NCKAP5: variants seen among roughly 807,000 people sequenced by gnomAD.
The protein encoded by NCKAP5 is NCK associated protein 5.
NCKAP5 carries 92 observed loss-of-function variants against 167.0 expected under a neutral mutation model. The ratio of observed to expected loss-of-function variants is 0.55; its 90% confidence interval spans 0.47 to 0.66. The LOEUF is 0.66. Among genes scored for constraint, NCKAP5 ranks in the 30% least tolerant of loss-of-function variants. The probability of loss-of-function intolerance (pLI) is 0.00; values close to 1 mark genes in which losing one functional copy is unlikely to be tolerated. For synonymous variants in NCKAP5, 891 were observed against 877.4 expected (o/e 1.02, Z -0.27); for missense variants, 2,378 against 2,315.0 (o/e 1.03, Z -0.56).
intron 19 of NCKAP5, among the ~76,000 whole-genome samples, chr2:132,697,319 T>C (rs532349927): frequency 6.6e-6 from 1 of 152,348 alleles, no homozygotes; most frequent in East Asian, 1.9e-4. Flanking sequence ...TAAGTGCCAC[T>C]TGAGTTTACA....
chr2:132,764,950 T>C (rs1258889788), intron 16 of NCKAP5, among the ~76,000 whole-genome samples: 28 of 152,206 alleles, frequency 1.8e-4, no homozygotes, highest in Admixed American at 1.8e-3. Flanking sequence ...GTAATATTCT[T>C]GAAATGAGAC....
intron 7 of NCKAP5, among the ~76,000 whole-genome samples, chr2:132,991,332 A>G (rs1226567719): frequency 6.6e-6 from 1 of 152,212 alleles, no homozygotes. Context: ...ATGTCACTTC[A>G]TGCACAAAAC....
chr2:133,373,988 T>C (rs1685973487), intron 3 of NCKAP5, among the ~76,000 whole-genome samples: 3 of 152,212 alleles, frequency 2.0e-5, no homozygotes, highest in Non-Finnish European at 2.9e-5. Flanking sequence ...AGGATAGTAA[T>C]GGTGCAATCA....
chr2:133,073,549 C>T (rs559272260), intron 6 of NCKAP5, among the ~76,000 whole-genome samples: 2 of 152,252 alleles, frequency 1.3e-5, no homozygotes, highest in Admixed American at 6.5e-5. Flanking sequence ...AACACTGGAA[C>T]CACAGCTCAC....
chr2:132,883,631 C>T (rs1015687301), intron 8 of NCKAP5, among the ~76,000 whole-genome samples: 3 of 152,218 alleles, frequency 2.0e-5, no homozygotes, highest in South Asian at 2.1e-4. Context: ...GGATCTGCCA[C>T]GTGTCCACCT....
At chr2:132,774,001 T>C in intron 15 of NCKAP5, 107 bp from the exon 16 acceptor site, 2 of 853,810 alleles carry the variant, frequency 2.3e-6, no homozygotes, top group South Asian at 3.3e-5. Context: ...TGGGCATAGG[T>C]GTGAGTGTTT....
At chr2:133,321,692 G>A (rs895751879) in intron 3 of NCKAP5, among the ~76,000 whole-genome samples, 1 of 152,160 alleles carries the variant, frequency 6.6e-6, no homozygotes, top group Admixed American at 6.5e-5. Context: ...TGTTGAGGCT[G>A]GCTGTTAAAA....
At chr2:133,162,086 T>C (rs2083815880) in intron 5 of NCKAP5, among the ~76,000 whole-genome samples, 1 of 152,254 alleles carries the variant, frequency 6.6e-6, no homozygotes, top group Non-Finnish European at 1.5e-5. Flanking sequence ...CTTGTATAGT[T>C]CATATATAGA....
chr2:133,273,491 G>A (rs769049750), intron 4 of NCKAP5, among the ~76,000 whole-genome samples: 7 of 151,976 alleles, frequency 4.6e-5, no homozygotes, highest in Non-Finnish European at 1.0e-4. Context: ...GAGTTACAGG[G>A]AATTTTTTAG....
At chr2:132,798,015 T>C (rs1207170340) in intron 11 of NCKAP5, among the ~76,000 whole-genome samples, 1 of 149,890 alleles carries the variant, frequency 6.7e-6, no homozygotes, top group Non-Finnish European at 1.5e-5. Context: ...CCAGTTCTCC[T>C]TCTCAGTGGA....
chr2:133,120,960 AT>A (rs140790381), intron 6 of NCKAP5, among the ~76,000 whole-genome samples: 1,657 of 151,634 alleles, frequency 0.011, 35 homozygotes, highest in African/African-American at 0.038. Flanking sequence ...CAATCAACAA[AT>A]TTTTTTTTAA....
intron 6 of NCKAP5, among the ~76,000 whole-genome samples, chr2:133,077,078 T>A (rs527434488): frequency 1.3e-4 from 20 of 152,248 alleles, no homozygotes; most frequent in Admixed American, 8.5e-4. Context: ...ATTCTTATTT[T>A]AGAAAAGCAA....
chr2:133,261,085 A>G (rs1025706497), intron 4 of NCKAP5, among the ~76,000 whole-genome samples: 1 of 152,238 alleles, frequency 6.6e-6, no homozygotes, highest in Non-Finnish European at 1.5e-5. Flanking sequence ...TGCAATGAAA[A>G]TGAGCAAAGA....
chr2:132,949,864 C>T (rs1382139131), intron 8 of NCKAP5, among the ~76,000 whole-genome samples: 2 of 152,142 alleles, frequency 1.3e-5, no homozygotes, highest in South Asian at 2.1e-4. Context: ...GAGGCCATGG[C>T]GGACAGATCA....
chr2:133,511,531 A>T (rs1683493894), intron 3 of NCKAP5, among the ~76,000 whole-genome samples: 1 of 152,158 alleles, frequency 6.6e-6, no homozygotes, highest in Non-Finnish European at 1.5e-5. Context: ...CACTCTCAAG[A>T]GGGCACAGTC....
Position 132,893,979 on chromosome 2 carries a change from C to T in NCKAP5, c.580-15063G>A, listed in dbSNP as rs746694282. On this transcript the variant is annotated intron_variant, in intron 8 of 19. Coordinates refer to ENST00000409261, the MANE Select transcript of NCKAP5 (RefSeq NM_207363.3). Reference sequence around the variant, plus strand: ...AATTGTGGAAGGGCCCTGGTGTACCCGGGCATCCCGCTGCCACTGTAATGG... The same window carrying T: ...AATTGTGGAAGGGCCCTGGTGTACCTGGGCATCCCGCTGCCACTGTAATGG... Among the ~76,000 whole-genome samples, 3 of 152,252 alleles carry T rather than the reference C, an allele frequency of 2.0e-5. No homozygotes were observed. The East Asian group carries it at 5.8e-4, about 29-fold the overall frequency.
At chr2:133,218,483 A>G (rs2086525192) in intron 4 of NCKAP5, among the ~76,000 whole-genome samples, 1 of 152,202 alleles carries the variant, frequency 6.6e-6, no homozygotes, top group African/African-American at 2.4e-5. Flanking sequence ...TGACAAAAAT[A>G]GTTTTGATCT....
At chr2:132,676,175 T>A (rs1021939717) in intron 19 of NCKAP5, among the ~76,000 whole-genome samples, 1 of 152,110 alleles carries the variant, frequency 6.6e-6, no homozygotes, top group Non-Finnish European at 1.5e-5. Context: ...ATTCACTTAC[T>A]TTTAATTCTT....
chr2:133,048,370 T>G (rs1438644534), intron 6 of NCKAP5, among the ~76,000 whole-genome samples: 1 of 152,226 alleles, frequency 6.6e-6, no homozygotes, highest in Non-Finnish European at 1.5e-5. Context: ...ATGCAGTATA[T>G]GTAGTTCATA....
Sources: allele counts gnomAD v4.1 joint callset (sites outside exome capture counted in the v4.1 genomes callset), GRCh38; gene constraint gnomAD v4.1.1; transcripts MANE v1.5; gene names NCBI Gene and HGNC (gene_info 2026-07-23, HGNC 2026-07-21).